The following FRMD5 variants were observed in gnomAD, a reference collection of about 807,000 sequenced individuals.
FRMD5 encodes FERM domain containing 5, also known as FERM domain-containing protein 5.
In FRMD5, 20 loss-of-function variants were observed where a neutral mutation model predicts 69.0. That is an observed-to-expected ratio of 0.29 (90% CI 0.20 to 0.42). FRMD5 has a LOEUF of 0.42. Ranked by LOEUF, FRMD5 falls within the 10% of genes least tolerant of loss-of-function variation. The pLI is 1.00. For missense variants in FRMD5, 595 were observed against 708.6 expected (o/e 0.84, Z 1.82); for synonymous variants, 271 against 260.1 (o/e 1.04, Z -0.40).
intron 13 of FRMD5, among the ~76,000 whole-genome samples, chr15:43,882,331 T>C (rs1281850023): frequency 1.3e-5 from 2 of 152,088 alleles, no homozygotes; most frequent in African/African-American, 4.8e-5. Flanking sequence ...GAGACAGTGG[T>C]AAGATATGCA....
chr15:44,091,753 G>A (rs2076476719), intron 1 of FRMD5, among the ~76,000 whole-genome samples: 1 of 151,960 alleles, frequency 6.6e-6, no homozygotes, highest in Non-Finnish European at 1.5e-5. Flanking sequence ...CTAGGCCAGT[G>A]CTAACTCTTA....
intron 1 of FRMD5, among the ~76,000 whole-genome samples, chr15:44,047,024 A>G (rs1167984768): frequency 6.6e-6 from 1 of 152,192 alleles, no homozygotes; most frequent in Admixed American, 6.5e-5. Flanking sequence ...GAAAAAACTA[A>G]GGCCAGGCGC....
chr15:44,076,151 A>T (rs1893754501), intron 1 of FRMD5, among the ~76,000 whole-genome samples: 1 of 152,160 alleles, frequency 6.6e-6, no homozygotes, highest in Non-Finnish European at 1.5e-5. Context: ...GTGGAGAAAT[A>T]GTAACACTTT....
rs2078271276 is a variant in FRMD5, at chr15:44,195,225, C to T, written c.-171G>A. The T allele has an allele frequency of 3.6e-6, 2 of 548,796 alleles. No individual in the cohort carries two copies. The highest frequency in any genetic ancestry group is 2.0e-5 in the African/African-American group (1 of 49,152). 34.0% of individuals were successfully genotyped at this position (548,796 alleles called of 1,614,324 possible). ...TCCTCCTCCTTATCCTCCTCCTTCCCTCAGCCGCCACCGCCTCCCCCCAGC... is the reference window on the plus strand; with the variant it reads ...TCCTCCTCCTTATCCTCCTCCTTCCTTCAGCCGCCACCGCCTCCCCCCAGC... On this transcript the variant is annotated 5_prime_UTR_variant, in exon 1 of 14. Transcript: ENST00000417257.
chr15:44,027,189 T>C (rs1032034966), intron 1 of FRMD5, among the ~76,000 whole-genome samples: 1 of 152,150 alleles, frequency 6.6e-6, no homozygotes, highest in Non-Finnish European at 1.5e-5. Flanking sequence ...CCTATAACAA[T>C]GTCACAATCT....
chr15:43,979,526 C>A (rs2090516443), intron 1 of FRMD5, among the ~76,000 whole-genome samples: 1 of 152,120 alleles, frequency 6.6e-6, no homozygotes, highest in African/African-American at 2.4e-5. Context: ...GCAGTCTTTT[C>A]TGAGATTCAA....
rs2089544553 is a variant in FRMD5, at chr15:43,924,308, C to T, written c.104G>A (p.Arg35Lys). ...AAACAGGTACTGGCCTTTGGCATCTCTCTGCAAAGAAAGAAAACTCCATTG... is the reference window on the plus strand; with the variant it reads ...AAACAGGTACTGGCCTTTGGCATCTTTCTGCAAAGAAAGAAAACTCCATTG... ...DDSEYTCTIQ[R>K]DAKGQYLFDL... Residue 35 changes from arginine to lysine, a missense_variant and splice_region_variant, in exon 2 of 14, where the codon AGA (arginine) becomes AAA (lysine). Coordinates refer to ENST00000417257, the MANE Select transcript of FRMD5 (RefSeq NM_032892.5). The T allele has an allele frequency of 1.2e-6, 2 of 1,611,810 alleles. No homozygotes were observed. The highest frequency in any genetic ancestry group is 2.7e-5 in the African/African-American group (2 of 74,860).
intron 1 of FRMD5, among the ~76,000 whole-genome samples, chr15:44,078,825 A>T (rs1260895708): frequency 6.6e-6 from 1 of 152,160 alleles, no homozygotes; most frequent in African/African-American, 2.4e-5. Flanking sequence ...CCAAACTATA[A>T]AACTCTTAGA....
intron 7 of FRMD5, 22 bp from the exon 8 acceptor site, chr15:43,892,091 C>T (rs1204661223): frequency 7.5e-6 from 12 of 1,608,240 alleles, no homozygotes; most frequent in South Asian, 1.1e-5. Context: ...AAAGACTTCT[C>T]ATCGGGTGAT....
chr15:44,160,124 T>C (rs1249753406), intron 1 of FRMD5, among the ~76,000 whole-genome samples: 1 of 152,106 alleles, frequency 6.6e-6, no homozygotes, highest in African/African-American at 2.4e-5. Flanking sequence ...GAGGCTGAGG[T>C]GGGCAGATCA....
At chr15:43,939,964 G>C (rs932764150) in intron 1 of FRMD5, among the ~76,000 whole-genome samples, 1 of 152,170 alleles carries the variant, frequency 6.6e-6, no homozygotes, top group Non-Finnish European at 1.5e-5. Flanking sequence ...ATCACCTTAG[G>C]TCAGGAGTTT....
At chr15:44,092,918 A>G (rs1365844374) in intron 1 of FRMD5, among the ~76,000 whole-genome samples, 1 of 136,902 alleles carries the variant, frequency 7.3e-6, no homozygotes, top group Non-Finnish European at 1.5e-5. Flanking sequence ...TATTTGTTCT[A>G]TCCTCTGCCT....
At chr15:43,875,067 G>A (rs1287362730) in intron 13 of FRMD5, among the ~76,000 whole-genome samples, 1 of 151,986 alleles carries the variant, frequency 6.6e-6, no homozygotes, top group Admixed American at 6.5e-5. Flanking sequence ...GTGTGGTGGC[G>A]GGCATCTGTA....
intron 1 of FRMD5, among the ~76,000 whole-genome samples, chr15:43,998,228 T>C (rs1890029627): frequency 6.6e-6 from 1 of 152,174 alleles, no homozygotes; most frequent in South Asian, 2.1e-4. Context: ...CAAGATTAAA[T>C]GAGATAATAG....
chr15:43,978,848 G>C (rs917577338), intron 1 of FRMD5, among the ~76,000 whole-genome samples: 1 of 151,874 alleles, frequency 6.6e-6, no homozygotes. Flanking sequence ...CACCACACCC[G>C]GCCAAGTTTT....
intron 1 of FRMD5, among the ~76,000 whole-genome samples, chr15:44,153,534 G>A (rs1260149943): frequency 6.6e-6 from 1 of 152,192 alleles, no homozygotes; most frequent in Non-Finnish European, 1.5e-5. Context: ...TGGTTACCAG[G>A]GGTTGAGGGG....
At chr15:44,160,174 T>C (rs1223078392) in intron 1 of FRMD5, among the ~76,000 whole-genome samples, 1 of 152,144 alleles carries the variant, frequency 6.6e-6, no homozygotes, top group Non-Finnish European at 1.5e-5. Context: ...GCCAACATGG[T>C]TAAACCCTGT....
At chr15:43,876,984 C>T (rs2140337266) in intron 13 of FRMD5, among the ~76,000 whole-genome samples, 1 of 152,304 alleles carries the variant, frequency 6.6e-6, no homozygotes, top group South Asian at 2.1e-4. Flanking sequence ...CAAGCCCTGG[C>T]AGGGAAAACA....
At position 43,891,998 on chromosome 15, in the gene FRMD5, C is replaced by T; in HGVS notation, c.711G>A (p.Arg237=). The T allele has an allele frequency of 3.1e-6, 5 of 1,613,982 alleles. No homozygotes were observed. The highest frequency in any genetic ancestry group is 4.2e-6 in the Non-Finnish European group (5 of 1,179,912). Residue 237 remains arginine (R), a synonymous_variant, in exon 8 of 14, where the codon AGG becomes AGA. Coordinates refer to ENST00000417257, the MANE Select transcript of FRMD5 (RefSeq NM_032892.5). ...ATGCTCACCATTTAATGAAGTGGACCCTCTTGTTTCCTTGAAGAACAACAA... is the reference window on the plus strand; with the variant it reads ...ATGCTCACCATTTAATGAAGTGGACTCTCTTGTTTCCTTGAAGAACAACAA... ...FGFVVLQGNK[R]VHFIKWNEVT... is the part of the protein sequence containing the mutation.
Sources: allele counts gnomAD v4.1 joint callset (sites outside exome capture counted in the v4.1 genomes callset), GRCh38; gene constraint gnomAD v4.1.1; transcripts MANE v1.5; gene names NCBI Gene and HGNC (gene_info 2026-07-23, HGNC 2026-07-21).